ARHGAP24: variants seen among roughly 807,000 people sequenced by gnomAD.
The protein encoded by ARHGAP24 is Rho GTPase activating protein 24, also known as rho GTPase-activating protein 24.
Under a neutral mutation model 76.4 loss-of-function variants are expected in ARHGAP24, and 50 were observed. The observed-to-expected ratio is 0.65, with a 90% CI of 0.52 to 0.83. The LOEUF (loss-of-function observed/expected upper bound fraction) is 0.83. Among genes scored for constraint, ARHGAP24 ranks in the 40% least tolerant of loss-of-function variants. The pLI is 0.00. For missense variants in ARHGAP24, 930 were observed against 914.2 expected (o/e 1.02, Z -0.22); for synonymous variants, 345 against 323.3 (o/e 1.07, Z -0.72).
At chr4:85,731,761 A>C (rs1016622047) in intron 3 of ARHGAP24, among the ~76,000 whole-genome samples, 1 of 152,224 alleles carries the variant, frequency 6.6e-6, no homozygotes, top group African/African-American at 2.4e-5. Context: ...TGTTCCAAAC[A>C]CAAAGAAATG....
intron 3 of ARHGAP24, among the ~76,000 whole-genome samples, chr4:85,786,173 CTAAGT>C (rs1727833493): frequency 6.6e-6 from 1 of 151,676 alleles, no homozygotes; most frequent in African/African-American, 2.4e-5. Flanking sequence ...ACTGTCCAAA[CTAAGT>C]TAAGAACTTA....
chr4:85,818,034 G>A (rs983722926), intron 3 of ARHGAP24, among the ~76,000 whole-genome samples: 10 of 152,146 alleles, frequency 6.6e-5, no homozygotes, highest in Admixed American at 3.9e-4. Flanking sequence ...ATAGAGCTTG[G>A]CACATAGAAA....
chr4:85,964,317 A>G (rs930453875), intron 5 of ARHGAP24, among the ~76,000 whole-genome samples: 1 of 152,130 alleles, frequency 6.6e-6, no homozygotes, highest in Non-Finnish European at 1.5e-5. Flanking sequence ...AAGAGAAACA[A>G]TTTTACACAA....
chr4:85,685,476 C>T (rs1345818108), intron 2 of ARHGAP24, among the ~76,000 whole-genome samples: 1 of 151,718 alleles, frequency 6.6e-6, no homozygotes, highest in Admixed American at 6.6e-5. Flanking sequence ...ACTAAAAATA[C>T]AAAAAAATTA....
chr4:85,490,531 G>T (rs771337362), intron 1 of ARHGAP24, among the ~76,000 whole-genome samples: 4 of 152,146 alleles, frequency 2.6e-5, no homozygotes, highest in Non-Finnish European at 5.9e-5. Flanking sequence ...ATTCACACAT[G>T]AACCAGTTTA....
intron 3 of ARHGAP24, among the ~76,000 whole-genome samples, chr4:85,764,808 A>G (rs1726865110): frequency 6.6e-6 from 1 of 152,158 alleles, no homozygotes; most frequent in African/African-American, 2.4e-5. Flanking sequence ...CCTCTTCGTT[A>G]CTGTAATTCT....
At chr4:85,606,208 A>G (rs530612190) in intron 2 of ARHGAP24, among the ~76,000 whole-genome samples, 5 of 152,310 alleles carry the variant, frequency 3.3e-5, no homozygotes, top group African/African-American at 9.6e-5. Context: ...TAGGATTTCC[A>G]TAGATAAAGG....
intron 3 of ARHGAP24, among the ~76,000 whole-genome samples, chr4:85,850,521 G>A (rs750619450): frequency 6.6e-6 from 1 of 152,082 alleles, no homozygotes; most frequent in Non-Finnish European, 1.5e-5. Context: ...TTGCTTCTCA[G>A]TTCTTTTAAC....
intron 8 of ARHGAP24, among the ~76,000 whole-genome samples, chr4:85,994,344 T>C (rs1266173464): frequency 6.6e-6 from 1 of 152,196 alleles, no homozygotes; most frequent in African/African-American, 2.4e-5. Context: ...TATGTATGTA[T>C]AGATTTATTT....
chr4:85,536,979 T>C (rs191535714), intron 1 of ARHGAP24, among the ~76,000 whole-genome samples: 57 of 152,282 alleles, frequency 3.7e-4, no homozygotes, highest in African/African-American at 1.2e-3. Context: ...ATGGGAGACC[T>C]TGGTATTCTA....
chr4:85,710,631 C>G (rs573416802), intron 2 of ARHGAP24, among the ~76,000 whole-genome samples: 2 of 152,134 alleles, frequency 1.3e-5, no homozygotes, highest in Admixed American at 6.6e-5. Flanking sequence ...AGAAAACAAG[C>G]CCCATTAAAA....
At chr4:85,816,907 G>A (rs1387268179) in intron 3 of ARHGAP24, among the ~76,000 whole-genome samples, 2 of 152,028 alleles carry the variant, frequency 1.3e-5, no homozygotes, top group East Asian at 1.9e-4. Context: ...ATTTTTCTCA[G>A]CATCTTCCCT....
intron 1 of ARHGAP24, among the ~76,000 whole-genome samples, chr4:85,507,582 T>C (rs1039621722): frequency 1.3e-5 from 2 of 152,186 alleles, no homozygotes; most frequent in African/African-American, 4.8e-5. Context: ...GTGACGAGCA[T>C]GAGTGTTATA....
At position 85,988,303 on chromosome 4, in the gene ARHGAP24, TAA is replaced by T. The variant is rs535558393; in HGVS notation, c.929-6279_929-6278del. 1.4e-3 allele frequency among the ~76,000 whole-genome samples: 218 copies of T among 151,858 alleles called. 1 individual carries two copies. Among genetic ancestry groups the T allele is most frequent in the African/African-American group, 4.4e-3 (181 of 41,534 alleles). ...ATAAAATAATATTTTTTCTTATTAT[TAA>T]TCTCATTAAAAGATAACCTGTTGTA... On this transcript the variant is annotated intron_variant, in intron 8 of 9. Transcript: ENST00000395184.
chr4:85,857,216 T>G (rs143929792), intron 3 of ARHGAP24, among the ~76,000 whole-genome samples: 6 of 152,302 alleles, frequency 3.9e-5, no homozygotes, highest in African/African-American at 2.4e-5. Context: ...TGAACCAAAC[T>G]ATTTGCAAGA....
rs11435809 is a variant in ARHGAP24, at chr4:85,876,945, T to TAA, written c.269-46696_269-46695dup. 6.8e-4 allele frequency among the ~76,000 whole-genome samples: 104 copies of TAA among 152,032 alleles called. 1 individual carries two copies. In the East Asian group the frequency reaches 7.2e-3, roughly 10 times the overall value. ...TTCACTGGACTTTCCATTTTATTTA[T>TAA]AAAAAAAACAGACTGAAGCTGACCT... On this transcript the variant is annotated intron_variant, in intron 3 of 9. Coordinates refer to ENST00000395184, the MANE Select transcript of ARHGAP24 (RefSeq NM_001025616.3).
chr4:85,566,084 T>G (rs1368988907), intron 1 of ARHGAP24, among the ~76,000 whole-genome samples: 1 of 152,214 alleles, frequency 6.6e-6, no homozygotes, highest in African/African-American at 2.4e-5. Context: ...CATTAAGGTT[T>G]TTGTCTTAAG....
intron 2 of ARHGAP24, among the ~76,000 whole-genome samples, chr4:85,617,925 TGTGAA>T (rs1720594078): frequency 6.6e-6 from 1 of 152,230 alleles, no homozygotes; most frequent in Non-Finnish European, 1.5e-5. Context: ...TTGTATACAC[TGTGAA>T]GTGATTACCA....
At chr4:85,798,737 A>G (rs1158179523) in intron 3 of ARHGAP24, among the ~76,000 whole-genome samples, 1 of 152,234 alleles carries the variant, frequency 6.6e-6, no homozygotes, top group Non-Finnish European at 1.5e-5. Context: ...ATTTCAAAAT[A>G]AAGTTGGCAA....
Sources: gnomAD v4.1 joint callset for allele counts (sites outside exome capture counted in the v4.1 genomes callset) on GRCh38, gnomAD v4.1.1 for gene constraint, MANE v1.5 for transcripts, NCBI Gene and HGNC (gene_info 2026-07-23, HGNC 2026-07-21) for gene names.